Variants in GOSR1 observed in about 807,000 individuals in gnomAD.
The protein encoded by GOSR1 is golgi SNAP receptor complex member 1, also known as 28 kDa Golgi SNARE protein.
In GOSR1, 21 loss-of-function variants were observed where a neutral mutation model predicts 35.5. That is an observed-to-expected ratio of 0.59 (90% confidence interval 0.42 to 0.85). The LOEUF is 0.85. Ranked by LOEUF, GOSR1 falls within the 40% of genes least tolerant of loss-of-function variation. GOSR1 has a pLI of 0.00. For synonymous variants in GOSR1, 94 were observed against 106.6 expected, an observed-to-expected ratio of 0.88 and a Z score of 0.73; for missense variants, 285 against 309.6, an observed-to-expected ratio of 0.92 and a Z score of 0.60.
Position 30,497,878 on chromosome 17 carries a change from T to C in GOSR1, c.509+5125T>C, listed in dbSNP as rs1967055986. On this transcript the variant is annotated intron_variant, in intron 6 of 8. Coordinates refer to ENST00000451249, the MANE Select transcript of GOSR1 (RefSeq NM_001007025.2). ...GTTCAAGACCACCTGGCCAACATGG[T>C]GAAACCCCATCTCTACCAAAAATAC... Among the ~76,000 whole-genome samples the C allele has an allele frequency of 2.6e-5, 4 of 152,210 alleles. No homozygotes were observed. In the South Asian group the frequency reaches 8.3e-4, roughly 32 times the overall value.
chr17:30,493,077 G>T lies in GOSR1; in HGVS notation c.509+324G>T, dbSNP rs570200102. Among the ~76,000 whole-genome samples the T allele has an allele frequency of 5.6e-3, 845 of 150,966 alleles. 6 individuals carry two copies. Among genetic ancestry groups the T allele is most frequent in the Non-Finnish European group, 5.9e-3 (400 of 67,788 alleles). ...GACTCAATCTCAGCTCACTGCAGCC[G>T]CTTGCCTCCCGGGTTCAAGCGATTC... On this transcript the variant is annotated intron_variant, in intron 6 of 8. Coordinates refer to ENST00000451249, the MANE Select transcript of GOSR1 (RefSeq NM_001007025.2).
chr17:30,519,368 G>A (rs1195778482), intron 7 of GOSR1, among the ~76,000 whole-genome samples: 1 of 152,094 alleles, frequency 6.6e-6, no homozygotes, highest in Non-Finnish European at 1.5e-5. Context: ...TTTTAGCCAC[G>A]TTTAATGAGT....
At position 30,523,293 on chromosome 17, in the gene GOSR1, C is replaced by A; in HGVS notation, c.*915C>A. The A allele has an allele frequency of 5.6e-6, 1 of 177,408 alleles. No individual in the cohort carries two copies. Among genetic ancestry groups the A allele is most frequent in the South Asian group, 1.0e-4 (1 of 9,552 alleles). The allele number at this position is 177,408 out of a possible 1,614,324, so 11.0% of individuals were successfully genotyped here. A position where few individuals can be genotyped will look rare whatever the true frequency, so the allele number is the denominator to read the frequency against. On this transcript the variant is annotated 3_prime_UTR_variant, in exon 9 of 9. Transcript: ENST00000451249. ...CGCCCATCGTCTGAGATGTGGGGAG[C>A]GCCTCTGCCCCGCCGCCCCGTCTGG...
At chr17:30,519,762 T>C in intron 7 of GOSR1, 177 bp from the exon 8 acceptor site, 1 of 547,874 alleles carries the variant, frequency 1.8e-6, no homozygotes, top group East Asian at 3.1e-5. Context: ...AGTGGAGTCA[T>C]TTGGAAAAAG....
intron 6 of GOSR1, chr17:30,495,703 A>T: frequency 3.9e-6 from 1 of 258,112 alleles, no homozygotes; most frequent in Non-Finnish European, 7.8e-6. Context: ...TTGCTACCTT[A>T]GCCAGCCTGG....
chr17:30,481,477 G>A (rs1169075226), intron 2 of GOSR1: 4 of 342,356 alleles, frequency 1.2e-5, no homozygotes, highest in Non-Finnish European at 2.2e-5. Flanking sequence ...TTGTTACAGT[G>A]TCAGAAGAAA....
At chr17:30,478,816 A>G (rs1470897615) in intron 1 of GOSR1, 1 of 152,152 alleles carries the variant, frequency 6.6e-6, no homozygotes, top group Admixed American at 6.5e-5. Flanking sequence ...CTGCCTCCCA[A>G]AGTGCTGGGA....
chr17:30,526,333 A>T lies in GOSR1; in HGVS notation c.*3955A>T, dbSNP rs1968181943. 1 of 152,138 alleles carries T rather than the reference A, an allele frequency of 6.6e-6. No individual in the cohort carries two copies. The highest frequency in any genetic ancestry group is 2.4e-5 in the African/African-American group (1 of 41,432). 9.4% of individuals were successfully genotyped at this position (152,138 alleles called of 1,614,324 possible). A position where few individuals can be genotyped will look rare whatever the true frequency, so the allele number is the denominator to read the frequency against. ...GTAACCACTCAAAACTTTTCATTTC[A>T]CTGAAAAAATATGAAAAACCATGAC... is the stretch of plus-strand genomic sequence containing the variant. On this transcript the variant is annotated 3_prime_UTR_variant, in exon 9 of 9. Transcript: ENST00000451249.
intron 2 of GOSR1, among the ~76,000 whole-genome samples, chr17:30,482,364 A>T (rs1269875998): frequency 2.6e-5 from 4 of 152,212 alleles, no homozygotes; most frequent in African/African-American, 9.6e-5. Context: ...TTGCTAATTA[A>T]TAATAATTTT....
intron 7 of GOSR1, among the ~76,000 whole-genome samples, chr17:30,511,762 C>A (rs904833707): frequency 2.0e-5 from 3 of 152,126 alleles, no homozygotes; most frequent in Non-Finnish European, 4.4e-5. Flanking sequence ...AACTCCTGAC[C>A]TCAGGTGATC....
chr17:30,483,977 A>G (rs1483719151), intron 2 of GOSR1, among the ~76,000 whole-genome samples: 1 of 152,248 alleles, frequency 6.6e-6, no homozygotes, highest in Non-Finnish European at 1.5e-5. Flanking sequence ...TGGATCATTT[A>G]AACCTCAATC....
intron 4 of GOSR1, among the ~76,000 whole-genome samples, chr17:30,489,431 G>C (rs190035281): frequency 6.6e-6 from 1 of 152,024 alleles, no homozygotes; most frequent in African/African-American, 2.4e-5. Context: ...ACAAAATGAT[G>C]GTAACAGTTA....
intron 6 of GOSR1, among the ~76,000 whole-genome samples, chr17:30,502,746 G>A (rs1254728340): frequency 6.6e-6 from 1 of 152,222 alleles, no homozygotes; most frequent in Non-Finnish European, 1.5e-5. Flanking sequence ...AGAGGTTACA[G>A]CTGGTTTCCA....
chr17:30,483,419 G>A (rs548179588), intron 2 of GOSR1, among the ~76,000 whole-genome samples: 64 of 152,292 alleles, frequency 4.2e-4, no homozygotes, highest in African/African-American at 1.4e-3. Context: ...CTATGAATAA[G>A]ACAGAGCAGT....
intron 6 of GOSR1, among the ~76,000 whole-genome samples, chr17:30,508,653 TAGTG>T (rs1348349839): frequency 6.6e-6 from 1 of 152,228 alleles, no homozygotes; most frequent in African/African-American, 2.4e-5. Flanking sequence ...TTCATCAGAA[TAGTG>T]AGTTTATCTG....
Position 30,522,604 on chromosome 17 carries a change from A to C in GOSR1, c.*226A>C, listed in dbSNP as rs902922925. ...TTTCTGTTTTTAATTAAAAAAAAAA[A>C]AAAAAGGTTTTCAGTTGCTTTTGTC... On this transcript the variant is annotated 3_prime_UTR_variant, in exon 9 of 9. Coordinates refer to ENST00000451249, the MANE Select transcript of GOSR1 (RefSeq NM_001007025.2). The C allele has an allele frequency of 2.9e-6, 1 of 339,190 alleles. No homozygotes were observed. Among genetic ancestry groups the C allele is most frequent in the African/African-American group, 2.1e-5 (1 of 46,618 alleles). 21.0% of individuals were successfully genotyped at this position (339,190 alleles called of 1,614,324 possible).
chr17:30,495,572 C>G (rs1022141033), intron 6 of GOSR1: 12 of 371,646 alleles, frequency 3.2e-5, no homozygotes, highest in Admixed American at 1.4e-4. Flanking sequence ...CCACCACCTT[C>G]TCATCTACAG....
rs1968075339 is a variant in GOSR1 at position 30,522,521 on chromosome 17, G to A, written c.*143G>A. The A allele has an allele frequency of 3.7e-6, 2 of 537,272 alleles. No individual in the cohort carries two copies. Among genetic ancestry groups the A allele is most frequent in the Non-Finnish European group, 6.3e-6 (2 of 318,856 alleles). 33.3% of individuals were successfully genotyped at this position (537,272 alleles called of 1,614,324 possible). On this transcript the variant is annotated 3_prime_UTR_variant, in exon 9 of 9. Transcript: ENST00000451249. The stretch of plus-strand genomic sequence containing the variant: ...CAAGACTGACAGTGATGGACTCTGT[G>A]ACATGGTCAGGTTGAGCTGAAGCCA...
At position 30,523,975 on chromosome 17, in the gene GOSR1, G is replaced by C; in HGVS notation, c.*1597G>C. ...GTCCACTCAGGGTTAAATGGATTAA[G>C]GGTGGTGCAAGATGTGCTTTGTTAA... On this transcript the variant is annotated 3_prime_UTR_variant, in exon 9 of 9. Coordinates refer to ENST00000451249, the MANE Select transcript of GOSR1 (RefSeq NM_001007025.2). 5.2e-6 allele frequency: 1 copy of C among 191,624 alleles called. No homozygotes were observed. Among genetic ancestry groups the C allele is most frequent in the Non-Finnish European group, 1.0e-5 (1 of 97,018 alleles). The allele number at this position is 191,624 out of a possible 1,614,324, so 11.9% of individuals were successfully genotyped here.
Sources: allele counts gnomAD v4.1 joint callset (sites outside exome capture counted in the v4.1 genomes callset), GRCh38; gene constraint gnomAD v4.1.1; transcripts MANE v1.5; gene names NCBI Gene and HGNC (gene_info 2026-07-23, HGNC 2026-07-21).